MPST: variants seen among roughly 807,000 people sequenced by gnomAD.
The protein encoded by MPST is 3-mercaptopyruvate sulfurtransferase.
In MPST, 27 loss-of-function variants were observed where a neutral mutation model predicts 28.5. The observed-to-expected ratio is 0.95, with a 90% CI of 0.70 to 1.31. The LOEUF (loss-of-function observed/expected upper bound fraction) is 1.31. Among genes scored for constraint, MPST ranks in the 50% most tolerant of loss-of-function variants. MPST has a pLI of 0.00. For synonymous variants in MPST, 204 were observed against 209.3 expected (o/e 0.97, Z 0.22); for missense variants, 492 against 471.1 (o/e 1.04, Z -0.41).
intron 1 of MPST, chr22:37,020,153 C>A (rs1394070982): frequency 2.7e-6 from 1 of 371,734 alleles, no homozygotes; most frequent in African/African-American, 2.1e-5. Flanking sequence ...GAGACGAGAC[C>A]CCGCTGACCC....
At chr22:37,024,042 G>A in intron 1 of MPST, 150 bp from the exon 2 acceptor site, 1 of 1,268,376 alleles carries the variant, frequency 7.9e-7, no homozygotes, top group Non-Finnish European at 1.0e-6. Context: ...TTTGTGCCCG[G>A]GTTCACCACC....
At chr22:37,022,833 G>GTT (rs1923173764) in intron 1 of MPST, among the ~76,000 whole-genome samples, 1 of 152,224 alleles carries the variant, frequency 6.6e-6, no homozygotes, top group East Asian at 1.9e-4. Context: ...GGGGATAAGT[G>GTT]AGGGCTGATC....
chr22:37,024,843 G>A, intron 2 of MPST, 33 bp downstream of exon 2: 4 of 1,595,160 alleles, frequency 2.5e-6, no homozygotes, highest in Non-Finnish European at 3.4e-6. Context: ...GAGGTCGTCG[G>A]GGGCGCGGCC....
Position 37,029,275 on chromosome 22 carries a change from C to T in MPST, c.715C>T (p.Gln239Ter). Residue 239 changes from glutamine to a stop codon, truncating the protein, a stop_gained, in exon 3 of 3, where the codon CAG becomes TAG. Transcript: ENST00000429360. LOFTEE classifies it high-confidence loss of function. ...CATCCCCTTCACAGACTTCCTGAGC[C>T]AGGAGGGGCTGGAGAAGAGCCCTGA... is the stretch of plus-strand genomic sequence containing the variant. The part of the protein sequence containing the change: ...VNIPFTDFLS[Q>*]EGLEKSPEEI... The T allele has an allele frequency of 6.2e-7, 1 of 1,614,182 alleles. No individual in the cohort carries two copies. Among genetic ancestry groups the T allele is most frequent in the Non-Finnish European group, 8.5e-7 (1 of 1,180,032 alleles).
intron 2 of MPST, 59 bp from the exon 3 acceptor site, chr22:37,029,157 C>G: frequency 6.7e-7 from 1 of 1,490,938 alleles, no homozygotes; most frequent in Non-Finnish European, 9.2e-7. Flanking sequence ...ACCACAAATA[C>G]GAGGTACCAT....
chr22:37,024,844 G>A, intron 2 of MPST, 34 bp downstream of exon 2: 1 of 1,594,930 alleles, frequency 6.3e-7, no homozygotes, highest in Non-Finnish European at 8.5e-7. Context: ...AGGTCGTCGG[G>A]GGCGCGGCCT....
intron 1 of MPST, chr22:37,023,581 T>C (rs1923232379): frequency 5.0e-6 from 1 of 200,714 alleles, no homozygotes; most frequent in Non-Finnish European, 9.2e-6. Flanking sequence ...TGCACTTCTG[T>C]GAGCCTGAGT....
At chr22:37,028,926 A>T (rs1304573939) in intron 2 of MPST, 1 of 398,162 alleles carries the variant, frequency 2.5e-6, no homozygotes, top group Non-Finnish European at 4.6e-6. Context: ...CCTAGGGTGC[A>T]TAGTCAGGAA....
At position 37,024,683 on chromosome 22, in the gene MPST, T is replaced by A. The variant is rs369262124; in HGVS notation, c.528T>A (p.Ala176=). The change falls in exon 2 of 3, where the codon GCT becomes GCA. Residue 176 remains alanine, a synonymous_variant. Transcript: ENST00000429360. The part of the protein sequence containing the change: ...KSQPAPAEFR[A]QLDPAFIKTY... ...AACCTGCTCCCGCCGAGTTCCGCGC[T>A]CAGCTCGACCCCGCCTTCATCAAGA... 6.3e-7 allele frequency: 1 copy of A among 1,599,396 alleles called. No individual in the cohort carries two copies. The highest frequency in any genetic ancestry group is 1.7e-5 in the Admixed American group (1 of 59,990).
At position 37,024,402 on chromosome 22, in the gene MPST, G is replaced by A; in HGVS notation, c.247G>A (p.Asp83Asn). The A allele has an allele frequency of 6.5e-7, 1 of 1,545,928 alleles. No individual in the cohort carries two copies. The highest frequency in any genetic ancestry group is 8.7e-7 in the Non-Finnish European group (1 of 1,145,248). ...CCCGGGCGCCGCTTTCTTCGACATCGACCAGTGCAGCGACCGCACCTCGCC... is the reference window on the plus strand; with the variant it reads ...CCCGGGCGCCGCTTTCTTCGACATCAACCAGTGCAGCGACCGCACCTCGCC... ...HIPGAAFFDI[D>N]QCSDRTSPYD... The change falls in exon 2 of 3, where the codon GAC becomes AAC. Residue 83 changes from aspartate to asparagine, a missense_variant. Coordinates refer to ENST00000429360, the MANE Select transcript of MPST (RefSeq NM_021126.8).
chr22:37,020,378 T>C (rs1412780163), intron 1 of MPST, among the ~76,000 whole-genome samples: 2 of 152,170 alleles, frequency 1.3e-5, no homozygotes, highest in Admixed American at 6.5e-5. Flanking sequence ...AGGCCGGGCC[T>C]GATCCCTGGT....
intron 2 of MPST, chr22:37,025,276 C>A: frequency 1.4e-6 from 1 of 702,372 alleles, no homozygotes; most frequent in Non-Finnish European, 2.0e-6. Flanking sequence ...CTCAATCCAA[C>A]ACTAGAGGTG....
In MPST at chr22:37,022,459, G is replaced by C. The variant is rs1923145387; in HGVS notation, c.37-1733G>C. Reference sequence around the variant, plus strand: ...TCCGGCACAAGGCCTGACCGCATGGGTGAAGTAGGTTCCTAAAAGCCAGCT... The same window carrying C: ...TCCGGCACAAGGCCTGACCGCATGGCTGAAGTAGGTTCCTAAAAGCCAGCT... On this transcript the variant is annotated intron_variant, in intron 1 of 2. Coordinates refer to ENST00000429360, the MANE Select transcript of MPST (RefSeq NM_021126.8). 2.0e-5 allele frequency among the ~76,000 whole-genome samples: 3 copies of C among 152,344 alleles called. No homozygotes were observed. In the South Asian group the frequency reaches 6.2e-4, roughly 32 times the overall value.
chr22:37,024,646 C>G lies in MPST; in HGVS notation c.491C>G (p.Ser164Cys). The stretch of plus-strand genomic sequence containing the variant: ...CTGCGCCAGAACCTCCCGCTCAGCT[C>G]CGGCAAGAGCCAACCTGCTCCCGCC... ...HWLRQNLPLS[S>C]GKSQPAPAEF... Residue 164 changes from serine (S) to cysteine (C), a missense_variant, in exon 2 of 3, where the codon TCC (serine) becomes TGC (cysteine). Ser to Cys is a moderately radical substitution (Grantham distance 112, BLOSUM62 -1). Transcript: ENST00000429360. 1 of 1,598,538 alleles carries G rather than the reference C, an allele frequency of 6.3e-7. No homozygotes were observed. Among genetic ancestry groups the G allele is most frequent in the Non-Finnish European group, 8.5e-7 (1 of 1,179,472 alleles).
intron 2 of MPST, chr22:37,025,238 A>G (rs1923437199): frequency 9.2e-7 from 1 of 1,088,802 alleles, no homozygotes; most frequent in African/African-American, 1.7e-5. Context: ...TCCCTAGCTC[A>G]TTGGGAACCC....
intron 1 of MPST, among the ~76,000 whole-genome samples, chr22:37,022,461 G>A (rs1397298460): frequency 3.3e-5 from 5 of 152,232 alleles, no homozygotes; most frequent in Non-Finnish European, 7.3e-5. Context: ...CCGCATGGGT[G>A]AAGTAGGTTC....
In MPST at chr22:37,019,856, G is replaced by A; in HGVS notation, c.20G>A (p.Arg7Gln). The change falls in exon 1 of 3, where the codon CGG becomes CAG. Residue 7 changes from arginine (R) to glutamine (Q), a missense_variant. By Grantham distance (43) the Arg-to-Gln change is conservative. Coordinates refer to ENST00000429360, the MANE Select transcript of MPST (RefSeq NM_021126.8). ...GGGGCCATGGCGGAGCCAGGAAGCC[G>A]GGAGTCCGAGACCCGGGTAACTGCC... is the stretch of plus-strand genomic sequence containing the variant. Reference protein sequence around the residue: MAEPGSRESETRARSPS... With the variant: MAEPGSQESETRARSPS... The A allele has an allele frequency of 2.5e-6, 3 of 1,222,752 alleles. No individual in the cohort carries two copies. The East Asian group carries it at 9.5e-5, about 39-fold the overall frequency. 75.7% of individuals were successfully genotyped at this position (1,222,752 alleles called of 1,614,324 possible).
In MPST at chr22:37,024,450, G is replaced by A. The variant is rs1923335817; in HGVS notation, c.295G>A (p.Ala99Thr). 1.9e-6 allele frequency: 3 copies of A among 1,549,980 alleles called. No homozygotes were observed. Among genetic ancestry groups the A allele is most frequent in the Non-Finnish European group, 2.6e-6 (3 of 1,146,878 alleles). ...TSPYDHMLPG[A>T]EHFAEYAGRL... is the part of the protein sequence containing the mutation. The stretch of plus-strand genomic sequence containing the variant: ...GCCCTACGACCACATGCTGCCCGGG[G>A]CCGAGCATTTCGCGGAGTACGCAGG... The change falls in exon 2 of 3, where the codon GCC (alanine) becomes ACC (threonine). Residue 99 changes from alanine (A) to threonine (T), a missense_variant. By Grantham distance (58) the Ala-to-Thr change is moderately conservative (BLOSUM62 0). Coordinates refer to ENST00000429360, the MANE Select transcript of MPST (RefSeq NM_021126.8).
intron 1 of MPST, chr22:37,023,884 T>G (rs1338585631): frequency 8.8e-6 from 13 of 1,484,666 alleles, no homozygotes; most frequent in Non-Finnish European, 1.1e-5. Flanking sequence ...AGCAGGGCCT[T>G]GCCCTAGGAT....
Sources: gnomAD v4.1 joint callset for allele counts (sites outside exome capture counted in the v4.1 genomes callset) on GRCh38, gnomAD v4.1.1 for gene constraint, MANE v1.5 for transcripts, NCBI Gene and HGNC (gene_info 2026-07-23, HGNC 2026-07-21) for gene names.